Variants in RNF214 observed in about 807,000 individuals in gnomAD.
RNF214 encodes the protein ring finger protein 214.
A neutral mutation model predicts 75.9 loss-of-function variants in RNF214; 25 were observed. That is an observed-to-expected ratio of 0.33 (90% CI 0.24 to 0.46). The LOEUF (loss-of-function observed/expected upper bound fraction) is 0.46, where lower values mean the gene tolerates loss of function less well. Among genes scored for constraint, RNF214 ranks in the 20% least tolerant of loss-of-function variants. The probability of loss-of-function intolerance (pLI) is 1.00; values close to 1 mark genes in which losing one functional copy is unlikely to be tolerated. For synonymous variants in RNF214, 314 were observed against 308.8 expected (o/e 1.02, Z -0.18); for missense variants, 725 against 857.5 (o/e 0.85, Z 1.93).
intron 6 of RNF214, among the ~76,000 whole-genome samples, chr11:117,267,328 T>G (rs2033817459): frequency 6.6e-6 from 1 of 152,172 alleles, no homozygotes; most frequent in Non-Finnish European, 1.5e-5. Context: ...GATCACCTTC[T>G]TCTTGGAGGT....
chr11:117,257,893 G>T (rs1429224248), intron 6 of RNF214, among the ~76,000 whole-genome samples: 1 of 152,036 alleles, frequency 6.6e-6, no homozygotes, highest in Non-Finnish European at 1.5e-5. Flanking sequence ...TTAGGCAAAG[G>T]AATTAAATTA....
At chr11:117,270,155 AG>A (rs2033878058) in intron 6 of RNF214, among the ~76,000 whole-genome samples, 1 of 151,138 alleles carries the variant, frequency 6.6e-6, no homozygotes, top group Admixed American at 6.6e-5. Context: ...AGAGGACCAG[AG>A]AGATGGGCTT....
At chr11:117,254,775 C>T in intron 6 of RNF214, among the ~76,000 whole-genome samples, 1 of 152,078 alleles carries the variant, frequency 6.6e-6, no homozygotes, top group East Asian at 1.9e-4. Context: ...AGGCACCCAC[C>T]ACCATGCCCG....
chr11:117,276,598 TAAA>T (rs1318592904), intron 6 of RNF214, among the ~76,000 whole-genome samples: 2 of 151,878 alleles, frequency 1.3e-5, no homozygotes, highest in African/African-American at 2.4e-5. Flanking sequence ...ACCCTCTCTC[TAAA>T]AAAAAGAAAA....
At position 117,238,902 on chromosome 11, in the gene RNF214, G is replaced by A; in HGVS notation, c.409G>A (p.Ala137Thr). Residue 137 changes from alanine (A) to threonine (T), a missense_variant, in exon 3 of 15, where the codon GCA becomes ACA. Transcript: ENST00000300650. ...CCATCCAGTCACTCGGTCTCTTAAG[G>A]CAGGGTGCCATACTAAGCAGCTTGC... ...SLHPVTRSLK[A>T]GCHTKQLASR... 1 of 1,614,192 alleles carries A rather than the reference G, an allele frequency of 6.2e-7. No individual in the cohort carries two copies. The highest frequency in any genetic ancestry group is 8.5e-7 in the Non-Finnish European group (1 of 1,180,044).
intron 3 of RNF214, chr11:117,239,432 A>T (rs1304292692): frequency 6.7e-6 from 3 of 450,896 alleles, no homozygotes; most frequent in African/African-American, 5.9e-5. Context: ...TGCAGGAAGA[A>T]TCCTTGTTAA....
At chr11:117,234,040 A>C in intron 1 of RNF214, among the ~76,000 whole-genome samples, 1 of 152,208 alleles carries the variant, frequency 6.6e-6, no homozygotes, top group East Asian at 1.9e-4. Flanking sequence ...ACAGACTCCT[A>C]GATATTTATG....
intron 6 of RNF214, among the ~76,000 whole-genome samples, chr11:117,252,092 C>T (rs567506893): frequency 2.0e-5 from 3 of 152,322 alleles, no homozygotes; most frequent in Non-Finnish European, 4.4e-5. Flanking sequence ...TAGTCTTGAA[C>T]ACCTGACCTC....
At chr11:117,272,061 A>C (rs1028447950) in intron 6 of RNF214, among the ~76,000 whole-genome samples, 1 of 152,040 alleles carries the variant, frequency 6.6e-6, no homozygotes, top group African/African-American at 2.4e-5. Context: ...TGATCCTCCT[A>C]CTTTGGCCTT....
At chr11:117,240,544 C>T (rs970470328) in intron 4 of RNF214, among the ~76,000 whole-genome samples, 18 of 151,146 alleles carry the variant, frequency 1.2e-4, no homozygotes, top group African/African-American at 3.2e-4. Context: ...AAAAATTAGC[C>T]GGGCGTGGTG....
chr11:117,285,016 A>G, intron 14 of RNF214, 70 bp from the exon 15 acceptor site: 1 of 1,113,720 alleles, frequency 9.0e-7, no homozygotes, highest in Non-Finnish European at 1.4e-6. Flanking sequence ...GTTGAACCTT[A>G]TTGGCATTCT....
chr11:117,233,779 C>T (rs749812023), intron 1 of RNF214, among the ~76,000 whole-genome samples: 4 of 152,196 alleles, frequency 2.6e-5, no homozygotes, highest in Non-Finnish European at 5.9e-5. Flanking sequence ...CCCAGTATTG[C>T]ATTACTTGTT....
At chr11:117,265,902 C>T (rs980354324) in intron 6 of RNF214, among the ~76,000 whole-genome samples, 1 of 152,192 alleles carries the variant, frequency 6.6e-6, no homozygotes. Context: ...AGTCACTGCT[C>T]TCTCATTCTG....
At chr11:117,243,005 G>GT (rs1374619509) in intron 4 of RNF214, among the ~76,000 whole-genome samples, 1 of 152,160 alleles carries the variant, frequency 6.6e-6, no homozygotes, top group African/African-American at 2.4e-5. Flanking sequence ...TAGAAGCCAG[G>GT]TTCAGAATCC....
chr11:117,258,432 A>G (rs1377659255), intron 6 of RNF214, among the ~76,000 whole-genome samples: 1 of 151,376 alleles, frequency 6.6e-6, no homozygotes, highest in Non-Finnish European at 1.5e-5. Flanking sequence ...CTTTTTTTTT[A>G]TCTGAGGTCT....
At chr11:117,268,433 A>G (rs1439665330) in intron 6 of RNF214, among the ~76,000 whole-genome samples, 1 of 152,212 alleles carries the variant, frequency 6.6e-6, no homozygotes, top group African/African-American at 2.4e-5. Flanking sequence ...GTGAAAGAAA[A>G]TTTGAAAGAC....
chr11:117,244,566 A>T lies in RNF214; in HGVS notation c.800A>T (p.Glu267Val), dbSNP rs2033160952. The T allele has an allele frequency of 1.2e-6, 2 of 1,609,310 alleles. No individual in the cohort carries two copies. Among genetic ancestry groups the T allele is most frequent in the Admixed American group, 3.4e-5 (2 of 59,048 alleles). The change falls in exon 5 of 15, where the codon GAG becomes GTG. Residue 267 changes from glutamate (E) to valine (V), a missense_variant. By Grantham distance (121) the Glu-to-Val change is moderately radical. Transcript: ENST00000300650. ...AAGCAGCTTCAGCAAAGGAGAGAAGAGGAAATGAAGAATCACCAGGTATTT... is the reference window on the plus strand; with the variant it reads ...AAGCAGCTTCAGCAAAGGAGAGAAGTGGAAATGAAGAATCACCAGGTATTT... ...QLKQLQQRRE[E>V]EMKNHQEILK... is the part of the protein sequence containing the mutation.
At chr11:117,250,167 A>G (rs2033333592) in intron 6 of RNF214, among the ~76,000 whole-genome samples, 2 of 152,248 alleles carry the variant, frequency 1.3e-5, no homozygotes, top group Non-Finnish European at 2.9e-5. Flanking sequence ...CATACTGGGT[A>G]GGGGGAGTCA....
chr11:117,244,856 G>A (rs1199895679), intron 5 of RNF214, among the ~76,000 whole-genome samples: 5 of 151,374 alleles, frequency 3.3e-5, no homozygotes, highest in Admixed American at 6.6e-5. Context: ...TGGTAGAGAC[G>A]GGGTTTTGTC....
Sources: gnomAD v4.1 joint callset for allele counts (sites outside exome capture counted in the v4.1 genomes callset) on GRCh38, gnomAD v4.1.1 for gene constraint, MANE v1.5 for transcripts, NCBI Gene and HGNC (gene_info 2026-07-23, HGNC 2026-07-21) for gene names.